Variants in PPARGC1B observed in about 807,000 individuals in gnomAD.
PPARGC1B encodes the protein peroxisome proliferator-activated receptor gamma coactivator 1-beta.
A neutral mutation model predicts 101.6 loss-of-function variants in PPARGC1B; 34 were observed. The ratio of observed to expected loss-of-function variants is 0.33; its 90% CI spans 0.25 to 0.45. The LOEUF (loss-of-function observed/expected upper bound fraction) is 0.45, where lower values mean the gene tolerates loss of function less well. Ranked by LOEUF, PPARGC1B falls within the 20% of genes least tolerant of loss-of-function variation. The pLI, the probability that PPARGC1B is intolerant of heterozygous loss-of-function variation, is 1.00. For missense variants in PPARGC1B, 1,234 were observed against 1,317.6 expected (o/e 0.94, Z 0.98); for synonymous variants, 548 against 539.3 (o/e 1.02, Z -0.22).
chr5:149,743,067 G>T (rs1754965821), intron 1 of PPARGC1B, among the ~76,000 whole-genome samples: 1 of 152,094 alleles, frequency 6.6e-6, no homozygotes, highest in South Asian at 2.1e-4. Context: ...TGTGTGCCAG[G>T]TCTGTTCCTT....
At chr5:149,846,207 G>C (rs1759549031) in intron 11 of PPARGC1B, 1 of 567,916 alleles carries the variant, frequency 1.8e-6, no homozygotes. Flanking sequence ...CAGAACCGTG[G>C]CTACGGTCTC....
At chr5:149,818,327 G>C (rs73796281) in intron 1 of PPARGC1B, among the ~76,000 whole-genome samples, 1,613 of 152,324 alleles carry the variant, frequency 0.011, 34 homozygotes, top group African/African-American at 0.037. Flanking sequence ...GGCTCAGAGT[G>C]AGTGGGCTCT....
At chr5:149,855,994 G>A (rs1025270290), downstream of PPARGC1B, among the ~76,000 whole-genome samples, 1 of 152,124 alleles carries the variant, frequency 6.6e-6, no homozygotes, top group African/African-American at 2.4e-5. Context: ...AGGGGCGCCT[G>A]TAATCCCAGC....
intron 1 of PPARGC1B, among the ~76,000 whole-genome samples, chr5:149,783,091 A>AAGAGAGAC (rs1756651732): frequency 2.0e-5 from 3 of 149,930 alleles, no homozygotes; most frequent in African/African-American, 7.4e-5. Flanking sequence ...ATGAGAGATA[A>AAGAGAGAC]AGAGAGAGAG....
Position 149,832,731 on chromosome 5 carries a change from C to T in PPARGC1B, c.658C>T (p.Leu220Phe), listed in dbSNP as rs760383579. The change falls in exon 5 of 12, where the codon CTC (leucine) becomes TTC (phenylalanine). Residue 220 changes from leucine to phenylalanine, a missense_variant. Coordinates refer to ENST00000309241, the MANE Select transcript of PPARGC1B (RefSeq NM_133263.4). This position sits in a 1 kb window ranked among gnomAD's most constrained non-coding sequence, Gnocchi z 4.9. ...SRSCTELHKH[L>F]TSAQCCLQDR... ...AAGTTGTACAGAACTACATAAGCAC[C>T]TCACCTCGGCACAGTGCTGCCTGCA... is the stretch of plus-strand genomic sequence containing the variant. 7 of 1,606,132 alleles carry T rather than the reference C, an allele frequency of 4.4e-6. No individual in the cohort carries two copies. The highest frequency in any genetic ancestry group is 3.3e-5 in the South Asian group (3 of 90,356).
chr5:149,839,483 G>A lies in PPARGC1B; in HGVS notation c.2619-558G>A, dbSNP rs188040812. ...CCTGCTCGGGCTATGGGACTAATGA[G>A]CCTGATAGCTAGCCTGGAAGCATGG... On this transcript the variant is annotated intron_variant, in intron 8 of 11. Transcript: ENST00000309241. Among the ~76,000 whole-genome samples, 37 of 152,352 alleles carry A rather than the reference G, an allele frequency of 2.4e-4. No homozygotes were observed. In the East Asian group the frequency reaches 6.7e-3, roughly 28 times the overall value.
rs1759152981 is a variant in PPARGC1B, at chr5:149,837,514, C to T, written c.2618+441C>T. On this transcript the variant is annotated intron_variant, in intron 8 of 11. Transcript: ENST00000309241. This position sits in a 1 kb window ranked among gnomAD's most constrained non-coding sequence, Gnocchi z 4.2. ...GATTAGTGTAATTCTAATCTGTGCT[C>T]TGGAAAATACCTGGACATAAAGCAT... is the stretch of plus-strand genomic sequence containing the variant. Among the ~76,000 whole-genome samples, 1 of 152,220 alleles carries T rather than the reference C, an allele frequency of 6.6e-6. No homozygotes were observed. The highest frequency in any genetic ancestry group is 2.4e-5 in the African/African-American group (1 of 41,454).
chr5:149,808,688 G>A (rs569809695), intron 1 of PPARGC1B, among the ~76,000 whole-genome samples: 156 of 152,244 alleles, frequency 1.0e-3, no homozygotes, highest in African/African-American at 3.5e-3. Context: ...CACATGTTGC[G>A]CTCTCTTGTT....
intron 1 of PPARGC1B, among the ~76,000 whole-genome samples, chr5:149,780,787 A>G (rs1756567953): frequency 1.3e-5 from 2 of 152,230 alleles, no homozygotes; most frequent in South Asian, 4.1e-4. Flanking sequence ...GTGTTCTTCC[A>G]CATGGGTGGA....
rs921570589 is a variant in PPARGC1B, at chr5:149,845,757, C to T, written c.2817-3C>T. ...ACATACTCTCCTTGCTCCCTCCCCG[C>T]AGAGGCGAGAAGTACGGCTTCATCA... On this transcript the variant is annotated splice_polypyrimidine_tract_variant and splice_region_variant and intron_variant, in intron 10 of 11. Transcript: ENST00000309241. 38 of 1,604,472 alleles carry T rather than the reference C, an allele frequency of 2.4e-5. No individual in the cohort carries two copies. The highest frequency in any genetic ancestry group is 3.2e-5 in the Non-Finnish European group (38 of 1,173,198).
intron 1 of PPARGC1B, among the ~76,000 whole-genome samples, chr5:149,767,872 T>C (rs1211534057): frequency 6.6e-6 from 1 of 152,216 alleles, no homozygotes; most frequent in Non-Finnish European, 1.5e-5. Context: ...GGTTTCTGCA[T>C]GATTCAAGTG....
chr5:149,807,611 G>T (rs9324629), intron 1 of PPARGC1B, among the ~76,000 whole-genome samples: 40,512 of 152,010 alleles, frequency 0.27, 5,806 homozygotes, highest in East Asian at 0.32. Flanking sequence ...TAGAAATAGG[G>T]CACGTGTTTT....
chr5:149,840,518 G>A (rs901519833), intron 9 of PPARGC1B, among the ~76,000 whole-genome samples: 6 of 152,100 alleles, frequency 3.9e-5, no homozygotes, highest in African/African-American at 9.7e-5. Flanking sequence ...CAGCTACCCC[G>A]AGCCTCACTT....
intron 3 of PPARGC1B, among the ~76,000 whole-genome samples, chr5:149,829,566 A>G (rs1218167600): frequency 6.6e-6 from 1 of 152,046 alleles, no homozygotes; most frequent in Non-Finnish European, 1.5e-5. Context: ...GTTTGTTATC[A>G]AGCTTGGCTA....
intron 1 of PPARGC1B, among the ~76,000 whole-genome samples, chr5:149,797,732 C>T (rs1581064822): frequency 6.6e-6 from 1 of 152,116 alleles, no homozygotes; most frequent in Non-Finnish European, 1.5e-5. Context: ...ACCAGCCTGG[C>T]CAACATGGTG....
At chr5:149,731,623 G>T (rs1754473049) in intron 1 of PPARGC1B, among the ~76,000 whole-genome samples, 1 of 152,128 alleles carries the variant, frequency 6.6e-6, no homozygotes, top group South Asian at 2.1e-4. Flanking sequence ...GCGGAGATTG[G>T]GGGAGGGAGG....
At position 149,780,212 on chromosome 5, in the gene PPARGC1B, A is replaced by G. The variant is rs1756546325; in HGVS notation, c.79-40221A>G. Among the ~76,000 whole-genome samples the G allele has an allele frequency of 1.3e-5, 2 of 152,240 alleles. 1 individual carries two copies. Among genetic ancestry groups the G allele is most frequent in the South Asian group, 4.1e-4 (2 of 4,832 alleles). ...CCCACACACCCAGAGCACAGGCTCC[A>G]GCGCAGGATGAGCAGCCAGAGCCCC... On this transcript the variant is annotated intron_variant, in intron 1 of 11. Transcript: ENST00000309241.
chr5:149,838,959 TTC>T (rs574969949), intron 8 of PPARGC1B, among the ~76,000 whole-genome samples: 1 of 152,204 alleles, frequency 6.6e-6, no homozygotes, highest in Non-Finnish European at 1.5e-5. Context: ...GGTGGGGAAA[TTC>T]TACCAATTCT....
intron 1 of PPARGC1B, among the ~76,000 whole-genome samples, chr5:149,779,309 C>A (rs11960601): frequency 7.4e-4 from 113 of 152,228 alleles, no homozygotes; most frequent in African/African-American, 2.6e-3. Flanking sequence ...ATGCCTGGCA[C>A]GATCTCAGTG....
Sources: allele counts gnomAD v4.1 joint callset (sites outside exome capture counted in the v4.1 genomes callset), GRCh38; gene constraint gnomAD v4.1.1; non-coding constraint Gnocchi (gnomAD v3.1); transcripts MANE v1.5; gene names NCBI Gene and HGNC (gene_info 2026-07-23, HGNC 2026-07-21).